The following SYNE2 variants were observed in gnomAD, a reference collection of about 807,000 sequenced individuals.
SYNE2 encodes the protein spectrin repeat containing nuclear envelope protein 2.
In SYNE2, 431 loss-of-function variants were observed where a neutral mutation model predicts 856.3. The ratio of observed to expected loss-of-function variants is 0.50; its 90% CI spans 0.47 to 0.55. The LOEUF (loss-of-function observed/expected upper bound fraction) is 0.55, where lower values mean the gene tolerates loss of function less well. SYNE2 is among the 20% of genes least tolerant of loss of function. SYNE2 has a pLI of 0.00. For missense variants in SYNE2, 8,129 were observed against 8,023.2 expected (o/e 1.01, Z -0.50); for synonymous variants, 2,923 against 2,872.3 (o/e 1.02, Z -0.56).
chr14:64,140,093 G>A lies in SYNE2; in HGVS notation c.14976+20G>A. ...TTTTTTGTAAGTTGTAATAGCATAT[G>A]TTCAGTTAATTACTGGTCAGAAATA... On this transcript the variant is annotated intron_variant, in intron 80 of 115. Transcript: ENST00000555002. 6.2e-7 allele frequency: 1 copy of A among 1,608,584 alleles called. No individual in the cohort carries two copies. The highest frequency in any genetic ancestry group is 8.5e-7 in the Non-Finnish European group (1 of 1,176,824).
At chr14:63,780,941 G>A (rs1045700115) in intron 1 of SYNE2, among the ~76,000 whole-genome samples, 5 of 152,110 alleles carry the variant, frequency 3.3e-5, no homozygotes, top group Non-Finnish European at 7.4e-5. Flanking sequence ...AATGTTTATC[G>A]GGAGGTTAAA....
intron 1 of SYNE2, among the ~76,000 whole-genome samples, chr14:63,801,143 G>A (rs1275619010): frequency 6.6e-6 from 1 of 152,122 alleles, no homozygotes; most frequent in East Asian, 1.9e-4. Flanking sequence ...ACAGATGGGA[G>A]CACAGTGGGA....
At chr14:63,990,082 C>A (rs184652126) in intron 19 of SYNE2, among the ~76,000 whole-genome samples, 71 of 152,250 alleles carry the variant, frequency 4.7e-4, no homozygotes, top group Middle Eastern at 6.8e-3. Context: ...TTATTGAATT[C>A]TCCTCTCCAC....
At chr14:64,156,594 G>T (rs61987294) in intron 85 of SYNE2, among the ~76,000 whole-genome samples, 3,427 of 152,084 alleles carry the variant, frequency 0.023, 45 homozygotes, top group African/African-American at 0.038. Context: ...TAGTAGCTGG[G>T]ATTACAGGCG....
At position 64,209,417 on chromosome 14, in the gene SYNE2, G is replaced by C. The variant is rs778754988; in HGVS notation, c.18390-11G>C. On this transcript the variant is annotated splice_polypyrimidine_tract_variant and intron_variant, in intron 101 of 115. Coordinates refer to ENST00000555002, the MANE Select transcript of SYNE2 (RefSeq NM_182914.3). ...GGGATGGCTTGTGTTAAGTTGCTTT[G>C]CTCCCATCAGAATCGAGGAGACGTG... 2 of 1,614,214 alleles carry C rather than the reference G, an allele frequency of 1.2e-6. No homozygotes were observed. The highest frequency in any genetic ancestry group is 1.1e-5 in the South Asian group (1 of 91,080).
Position 64,219,415 on chromosome 14 carries a change from G to C in SYNE2, c.19860+5G>C. 1 of 1,613,862 alleles carries C rather than the reference G, an allele frequency of 6.2e-7. No homozygotes were observed. Among genetic ancestry groups the C allele is most frequent in the Non-Finnish European group, 8.5e-7 (1 of 1,179,852 alleles). Reference sequence around the variant, plus strand: ...CTGAGAGTGAAGAGACTGCAGGTGAGTTAGAGGTGTGGTGGGGAAGAGGGA... The same window carrying C: ...CTGAGAGTGAAGAGACTGCAGGTGACTTAGAGGTGTGGTGGGGAAGAGGGA... On this transcript the variant is annotated splice_donor_5th_base_variant and intron_variant, in intron 110 of 115. Coordinates refer to ENST00000555002, the MANE Select transcript of SYNE2 (RefSeq NM_182914.3).
intron 84 of SYNE2, among the ~76,000 whole-genome samples, chr14:64,146,734 G>A (rs1034842518): frequency 2.0e-5 from 3 of 152,194 alleles, no homozygotes; most frequent in Admixed American, 6.5e-5. Context: ...ATGCTTTGCC[G>A]CATCACTCAG....
At chr14:64,099,611 C>T (rs988770719) in intron 63 of SYNE2, 11 of 152,098 alleles carry the variant, frequency 7.2e-5, no homozygotes, top group African/African-American at 2.2e-4. Flanking sequence ...AATGGAGGGA[C>T]CAGGGGCCAA....
chr14:64,075,956 C>T lies in SYNE2; in HGVS notation c.10878C>T (p.Ser3626=). The T allele has an allele frequency of 6.2e-7, 1 of 1,613,782 alleles. No individual in the cohort carries two copies. ...EKSEQFEELQ[S]ILKKGKLTFE... is the part of the protein sequence containing the mutation. ...CTTAATGCTTTTAGGAGCTTCAAAG[C>T]ATCCTTAAGAAAGGGAAACTAACTT... Residue 3626 remains serine, a synonymous_variant, in exon 54 of 116, where the codon AGC becomes AGT. Transcript: ENST00000555002.
chr14:63,887,999 C>T (rs897057385), intron 1 of SYNE2, among the ~76,000 whole-genome samples: 1 of 152,022 alleles, frequency 6.6e-6, no homozygotes, highest in East Asian at 1.9e-4. Flanking sequence ...GTGATCTGCC[C>T]GCCTTGGCCT....
At chr14:64,189,806 G>A (rs2139609549) in intron 98 of SYNE2, among the ~76,000 whole-genome samples, 1 of 152,072 alleles carries the variant, frequency 6.6e-6, no homozygotes, top group Admixed American at 6.5e-5. Flanking sequence ...TGAGTAGCTG[G>A]GACTACAGAC....
At position 63,958,341 on chromosome 14, in the gene SYNE2, T is replaced by C. The variant is rs538994048; in HGVS notation, c.788-3184T>C. On this transcript the variant is annotated intron_variant, in intron 8 of 115. Transcript: ENST00000555002. The stretch of plus-strand genomic sequence containing the variant: ...CATATCTCCTGTGACTCCTCTTGAC[T>C]GTGACGGTTTCCCAGACTTTTAAAT... 9.8e-4 allele frequency among the ~76,000 whole-genome samples: 150 copies of C among 152,350 alleles called. 1 individual carries two copies. Among genetic ancestry groups the C allele is most frequent in the African/African-American group, 3.5e-3 (147 of 41,582 alleles).
At chr14:64,192,029 G>A (rs1032968033) in intron 99 of SYNE2, among the ~76,000 whole-genome samples, 9 of 152,146 alleles carry the variant, frequency 5.9e-5, no homozygotes, top group Admixed American at 5.9e-4. Flanking sequence ...CAGCATTTAT[G>A]GAGTGGTTGT....
chr14:63,856,278 G>T (rs565834417), intron 1 of SYNE2, among the ~76,000 whole-genome samples: 17 of 152,200 alleles, frequency 1.1e-4, no homozygotes, highest in Non-Finnish European at 2.1e-4. Context: ...TTAAGAAACT[G>T]GGCATCAGGG....
At chr14:64,099,443 C>T (rs889953371) in intron 63 of SYNE2, 2 of 168,848 alleles carry the variant, frequency 1.2e-5, no homozygotes, top group African/African-American at 2.4e-5. Context: ...TTAAATAGCT[C>T]CACTCTCACA....
Position 64,225,846 on chromosome 14 carries a change from T to C in SYNE2, c.*320T>C, listed in dbSNP as rs2098716429. On this transcript the variant is annotated 3_prime_UTR_variant, in exon 116 of 116. Coordinates refer to ENST00000555002, the MANE Select transcript of SYNE2 (RefSeq NM_182914.3). ...ATTCTGGTTTGTTTGTAAAACAGCA[T>C]TATTATAATGTAGGTATGGTCAATG... 2 of 582,306 alleles carry C rather than the reference T, an allele frequency of 3.4e-6. No homozygotes were observed. The highest frequency in any genetic ancestry group is 3.7e-5 in the African/African-American group (2 of 53,642). 36.1% of individuals were successfully genotyped at this position (582,306 alleles called of 1,614,324 possible).
intron 104 of SYNE2, 123 bp downstream of exon 104, chr14:64,212,221 C>T: frequency 6.8e-7 from 1 of 1,474,654 alleles, no homozygotes; most frequent in Non-Finnish European, 9.3e-7. Context: ...AGCAGCCAGG[C>T]TACATCCCAC....
chr14:64,210,002 C>G lies in SYNE2; in HGVS notation c.18601C>G (p.Arg6201Gly), dbSNP rs151081811. 4.3e-6 allele frequency: 7 copies of G among 1,613,982 alleles called. No individual in the cohort carries two copies. The highest frequency in any genetic ancestry group is 2.7e-5 in the African/African-American group (2 of 74,908). The change falls in exon 103 of 116, where the codon CGG becomes GGG. Residue 6201 changes from arginine (R) to glycine (G), a missense_variant. By Grantham distance (125) the Arg-to-Gly change is moderately radical. Transcript: ENST00000555002. ...GCTGGAGCTCATCAACAAGCAGTAC[C>G]GGCGGCTGGCCCGGGAGAACCGCAC... The part of the protein sequence containing the change: ...TQLELINKQY[R>G]RLARENRTDT...
chr14:63,879,979 G>C (rs1290506068), intron 1 of SYNE2, among the ~76,000 whole-genome samples: 1 of 151,624 alleles, frequency 6.6e-6, no homozygotes, highest in East Asian at 1.9e-4. Context: ...TTTCTTCTCT[G>C]GTTATGTTTT....
Sources: gnomAD v4.1 joint callset for allele counts (sites outside exome capture counted in the v4.1 genomes callset) on GRCh38, gnomAD v4.1.1 for gene constraint, MANE v1.5 for transcripts, NCBI Gene and HGNC (gene_info 2026-07-23, HGNC 2026-07-21) for gene names.